EFCAB6: variants seen among roughly 807,000 people sequenced by gnomAD.
The protein encoded by EFCAB6 is EF-hand calcium-binding domain-containing protein 6.
EFCAB6 carries 156 observed loss-of-function variants against 169.8 expected under a neutral mutation model. The observed-to-expected ratio is 0.92, with a 90% CI of 0.81 to 1.05. The LOEUF (loss-of-function observed/expected upper bound fraction) is 1.05. Among genes scored for constraint, EFCAB6 ranks in the 50% least tolerant of loss-of-function variants. The probability of loss-of-function intolerance (pLI) is 0.00; values close to 1 mark genes in which losing one functional copy is unlikely to be tolerated. For missense variants in EFCAB6, 1,800 were observed against 1,829.1 expected (o/e 0.98, Z 0.29); for synonymous variants, 698 against 676.4 (o/e 1.03, Z -0.50).
chr22:43,678,356 TGTGTG>T, intron 12 of EFCAB6, among the ~76,000 whole-genome samples, 193 bp from the exon 13 acceptor site: 1 of 151,650 alleles, frequency 6.6e-6, no homozygotes, highest in South Asian at 2.1e-4. Flanking sequence ...TGTGTGTGTG[TGTGTG>T]TGTGTAGGCT....
In EFCAB6 at chr22:43,730,279, G is replaced by GGAAGGAGGGAAGGGAGC. The variant is rs771772907; in HGVS notation, c.757+1419_757+1420insGCTCCCTTCCCTCCTTC. 1.2e-3 allele frequency among the ~76,000 whole-genome samples: 138 copies of GGAAGGAGGGAAGGGAGC among 111,106 alleles called. 1 individual carries two copies. The highest frequency in any genetic ancestry group is 2.1e-3 in the Non-Finnish European group (103 of 50,206). The allele number at this position is 111,106 out of a possible 152,430, so 72.9% of individuals were successfully genotyped here. On this transcript the variant is annotated intron_variant, in intron 8 of 31. Coordinates refer to ENST00000262726, the MANE Select transcript of EFCAB6 (RefSeq NM_022785.4). The stretch of plus-strand genomic sequence containing the variant: ...GGAGGAAAGGGAGCGAGGGAGGGAG[G>GGAAGGAGGGAAGGGAGC]GATGGAGGGAGGGATGGAGTTCTAG...
intron 20 of EFCAB6, among the ~76,000 whole-genome samples, chr22:43,622,113 A>G (rs1342431843): frequency 6.6e-6 from 1 of 152,234 alleles, no homozygotes; most frequent in African/African-American, 2.4e-5. Context: ...CTAAGGAAGA[A>G]TAACCATTCC....
intron 21 of EFCAB6, among the ~76,000 whole-genome samples, chr22:43,614,610 G>A (rs1227247021): frequency 6.6e-6 from 1 of 152,198 alleles, no homozygotes; most frequent in Non-Finnish European, 1.5e-5. Context: ...TTCTAGTCCC[G>A]ACCCTTTCCT....
intron 5 of EFCAB6, among the ~76,000 whole-genome samples, chr22:43,758,446 A>G (rs2061035461): frequency 6.6e-6 from 1 of 152,224 alleles, no homozygotes; most frequent in Non-Finnish European, 1.5e-5. Context: ...CACAATGTGC[A>G]TATATAACAT....
At chr22:43,796,110 GTCTC>G (rs907408386) in intron 2 of EFCAB6, among the ~76,000 whole-genome samples, 6 of 151,914 alleles carry the variant, frequency 3.9e-5, no homozygotes, top group Non-Finnish European at 7.4e-5. Context: ...TTATTGATGA[GTCTC>G]TCTTTTTCCC....
At chr22:43,623,407 C>T (rs2054243859) in intron 20 of EFCAB6, among the ~76,000 whole-genome samples, 1 of 152,166 alleles carries the variant, frequency 6.6e-6, no homozygotes, top group African/African-American at 2.4e-5. Flanking sequence ...TTGGATCAGT[C>T]ATTCTACTTG....
chr22:43,806,080 C>T (rs941334915), intron 2 of EFCAB6, among the ~76,000 whole-genome samples: 1 of 151,198 alleles, frequency 6.6e-6, no homozygotes, highest in African/African-American at 2.4e-5. Context: ...GTACAAGAAT[C>T]GCTTGAACCC....
At chr22:43,561,559 C>G (rs2049038927) in intron 26 of EFCAB6, among the ~76,000 whole-genome samples, 1 of 152,110 alleles carries the variant, frequency 6.6e-6, no homozygotes, top group Non-Finnish European at 1.5e-5. Context: ...CCCCACACAC[C>G]CAGTTGCTGG....
intron 23 of EFCAB6, among the ~76,000 whole-genome samples, chr22:43,598,807 T>C (rs1350304967): frequency 2.6e-5 from 4 of 152,126 alleles, no homozygotes; most frequent in Non-Finnish European, 5.9e-5. Flanking sequence ...AAAATATAGC[T>C]AGAAGAGAAG....
intron 10 of EFCAB6, among the ~76,000 whole-genome samples, chr22:43,708,396 C>CA (rs1053396393): frequency 1.5e-4 from 21 of 142,316 alleles, no homozygotes; most frequent in South Asian, 4.5e-4. Context: ...GACTCTGTCT[C>CA]AAAAAAAAAG....
chr22:43,662,630 T>C (rs921943222), intron 17 of EFCAB6, among the ~76,000 whole-genome samples: 15 of 152,140 alleles, frequency 9.9e-5, no homozygotes, highest in African/African-American at 3.6e-4. Flanking sequence ...GCAAGAACAT[T>C]GTATATCCAT....
chr22:43,719,834 A>G (rs1253478808), intron 8 of EFCAB6, among the ~76,000 whole-genome samples: 1 of 152,236 alleles, frequency 6.6e-6, no homozygotes, highest in Non-Finnish European at 1.5e-5. Flanking sequence ...TTGATTCATA[A>G]TACTGTTTCA....
At chr22:43,753,463 C>G (rs923693811) in intron 6 of EFCAB6, among the ~76,000 whole-genome samples, 1 of 152,182 alleles carries the variant, frequency 6.6e-6, no homozygotes, top group Non-Finnish European at 1.5e-5. Context: ...ACAGAGACTC[C>G]TCCTCAAAAC....
At chr22:43,764,888 T>G (rs2061278241) in intron 5 of EFCAB6, among the ~76,000 whole-genome samples, 1 of 150,110 alleles carries the variant, frequency 6.7e-6, no homozygotes, top group Non-Finnish European at 1.5e-5. Flanking sequence ...CAAAGATCTT[T>G]TTTTATTATT....
intron 9 of EFCAB6, among the ~76,000 whole-genome samples, chr22:43,712,218 A>G (rs1037077821): frequency 7.9e-5 from 12 of 152,214 alleles, no homozygotes; most frequent in African/African-American, 2.9e-4. Context: ...ACTGATTTTT[A>G]TATGACTCAT....
chr22:43,763,642 A>G (rs765617962), intron 5 of EFCAB6, among the ~76,000 whole-genome samples: 1 of 152,050 alleles, frequency 6.6e-6, no homozygotes, highest in African/African-American at 2.4e-5. Context: ...TCAGTTATTC[A>G]TTCTGTGATT....
intron 9 of EFCAB6, among the ~76,000 whole-genome samples, chr22:43,715,631 G>A (rs2059309088): frequency 6.6e-6 from 1 of 151,990 alleles, no homozygotes; most frequent in Non-Finnish European, 1.5e-5. Context: ...TTCTATACAT[G>A]AATAAAGAGA....
chr22:43,529,980 G>C (rs1569104908), intron 31 of EFCAB6, among the ~76,000 whole-genome samples: 1 of 152,246 alleles, frequency 6.6e-6, no homozygotes, highest in Non-Finnish European at 1.5e-5. Context: ...CTGGAAAGCA[G>C]GGCTAGATGG....
chr22:43,540,728 G>C (rs1406897783), intron 27 of EFCAB6, among the ~76,000 whole-genome samples: 2 of 152,160 alleles, frequency 1.3e-5, no homozygotes, highest in Admixed American at 1.3e-4. Flanking sequence ...TCATCCCAGG[G>C]AAGCCCAGTC....
Sources: allele counts gnomAD v4.1 joint callset (sites outside exome capture counted in the v4.1 genomes callset), GRCh38; gene constraint gnomAD v4.1.1; transcripts MANE v1.5; gene names NCBI Gene and HGNC (gene_info 2026-07-23, HGNC 2026-07-21).